SMC4: variants seen among roughly 807,000 people sequenced by gnomAD.
SMC4 encodes the protein structural maintenance of chromosomes 4, also known as structural maintenance of chromosomes protein 4.
In SMC4, 87 loss-of-function variants were observed where a neutral mutation model predicts 145.6. The ratio of observed to expected loss-of-function variants is 0.60; its 90% CI spans 0.50 to 0.71. The LOEUF is 0.71. Among genes scored for constraint, SMC4 ranks in the 30% least tolerant of loss-of-function variants. The probability of loss-of-function intolerance (pLI) is 0.00; values close to 1 mark genes in which losing one functional copy is unlikely to be tolerated. For missense variants in SMC4, 1,447 were observed against 1,537.1 expected (o/e 0.94, Z 0.98); for synonymous variants, 558 against 500.7 (o/e 1.11, Z -1.53).
At chr3:160,431,550 T>C in intron 20 of SMC4, 93 bp from the exon 21 acceptor site, 1 of 988,968 alleles carries the variant, frequency 1.0e-6, no homozygotes, top group South Asian at 1.7e-5. Flanking sequence ...CCTGTTGTTT[T>C]CATAGCTGTG....
chr3:160,430,881 A>G, intron 19 of SMC4, 138 bp downstream of exon 19: 2 of 1,234,698 alleles, frequency 1.6e-6, no homozygotes, highest in Non-Finnish European at 2.2e-6. Context: ...TATTTGTACA[A>G]TAAGAATACT....
At position 160,401,975 on chromosome 3, in the gene SMC4, C is replaced by T; in HGVS notation, c.200C>T (p.Pro67Leu). The T allele has an allele frequency of 1.2e-6, 2 of 1,606,760 alleles. No individual in the cohort carries two copies. The highest frequency in any genetic ancestry group is 1.3e-5 in the African/African-American group (1 of 74,484). Residue 67 changes from proline (P) to leucine (L), a missense_variant, in exon 3 of 24, where the codon CCT becomes CTT. Pro to Leu is a moderately conservative substitution (Grantham distance 98). Coordinates refer to ENST00000357388, the MANE Select transcript of SMC4 (RefSeq NM_001002800.3). ...GAAGAGATTTTGAACAGCATTCCTCCTCCCCCGCCTCCAGCAATGACCAAT... is the reference window on the plus strand; with the variant it reads ...GAAGAGATTTTGAACAGCATTCCTCTTCCCCCGCCTCCAGCAATGACCAAT... Reference protein sequence around the residue: ...SLEEILNSIPPPPPPAMTNEA... With the variant: ...SLEEILNSIPLPPPPAMTNEA...
rs780852411 is a variant in SMC4 at position 160,432,522 on chromosome 3, A to T, written c.3530+7A>T. On this transcript the variant is annotated splice_region_variant and intron_variant, in intron 22 of 23. Coordinates refer to ENST00000357388, the MANE Select transcript of SMC4 (RefSeq NM_001002800.3). ...CTGAAGGAATCATGTTCAGGTGTGT[A>T]ATTATGCTGAGTTTATAATCCCACT... 1 of 1,524,284 alleles carries T rather than the reference A, an allele frequency of 6.6e-7. No individual in the cohort carries two copies. Among genetic ancestry groups the T allele is most frequent in the South Asian group, 1.2e-5 (1 of 82,682 alleles). The allele number at this position is 1,524,284 out of a possible 1,614,324, so 94.4% of individuals were successfully genotyped here.
intron 12 of SMC4, among the ~76,000 whole-genome samples, chr3:160,419,853 C>T (rs896506595): frequency 4.0e-5 from 6 of 151,742 alleles, no homozygotes; most frequent in Admixed American, 2.6e-4. Flanking sequence ...GCCTGTAGTC[C>T]CAGCTGTTGG....
Position 160,417,841 on chromosome 3 carries a change from A to G in SMC4, c.1556A>G (p.Gln519Arg). 3.1e-6 allele frequency: 5 copies of G among 1,613,726 alleles called. No homozygotes were observed. The highest frequency in any genetic ancestry group is 3.4e-6 in the Non-Finnish European group (4 of 1,179,780). The change falls in exon 11 of 24, where the codon CAA (glutamine) becomes CGA (arginine). Residue 519 changes from glutamine to arginine, a missense_variant. Physicochemically the swap from Gln to Arg is conservative, Grantham distance 43. Coordinates refer to ENST00000357388, the MANE Select transcript of SMC4 (RefSeq NM_001002800.3). Reference sequence around the variant, plus strand: ...AGTCGTCATAATACTGCAGTGTCTCAATTAACTAAGGCTAAGGAAGCTCTA... The same window carrying G: ...AGTCGTCATAATACTGCAGTGTCTCGATTAACTAAGGCTAAGGAAGCTCTA... The part of the protein sequence containing the change: ...YLSRHNTAVS[Q>R]LTKAKEALIA...
chr3:160,402,235 TCTCA>T (rs979493089), intron 3 of SMC4, 142 bp downstream of exon 3: 66 of 508,046 alleles, frequency 1.3e-4, no homozygotes, highest in African/African-American at 7.4e-4. Context: ...TGTCTCTCTC[TCTCA>T]CACACACACA....
At position 160,404,382 on chromosome 3, in the gene SMC4, G is replaced by C; in HGVS notation, c.565G>C (p.Ala189Pro). ...CAGTAATTTCTATGTATCCAGAACG[G>C]CCTGCAGAGATAATACTTCTGTCTA... ...PNSNFYVSRTACRDNTSVYHI... is the reference protein window; with the variant it reads ...PNSNFYVSRTPCRDNTSVYHI... Residue 189 changes from alanine to proline, a missense_variant, in exon 5 of 24, where the codon GCC becomes CCC. Physicochemically the swap from Ala to Pro is conservative, Grantham distance 27. Transcript: ENST00000357388. The C allele has an allele frequency of 6.2e-7, 1 of 1,610,672 alleles. No individual in the cohort carries two copies. Among genetic ancestry groups the C allele is most frequent in the Non-Finnish European group, 8.5e-7 (1 of 1,178,912 alleles).
At chr3:160,433,004 A>C in intron 22 of SMC4, 22 bp from the exon 23 acceptor site, 1 of 1,565,240 alleles carries the variant, frequency 6.4e-7, no homozygotes, top group Non-Finnish European at 8.8e-7. Context: ...TAATTTGACT[A>C]TGATTTTCTT....
chr3:160,423,669 C>T lies in SMC4; in HGVS notation c.2245+19C>T, dbSNP rs555169037. On this transcript the variant is annotated intron_variant, in intron 14 of 23. Coordinates refer to ENST00000357388, the MANE Select transcript of SMC4 (RefSeq NM_001002800.3). ...CAGTCAGGTAATAGTGTTTTTGTTTCTTGGTTTGTTTTTTTTTCCCCCCAC... is the reference window on the plus strand; with the variant it reads ...CAGTCAGGTAATAGTGTTTTTGTTTTTTGGTTTGTTTTTTTTTCCCCCCAC... The T allele has an allele frequency of 1.6e-4, 258 of 1,598,250 alleles. No homozygotes were observed. The African/African-American group carries it at 3.1e-3, about 19-fold the overall frequency.
chr3:160,422,847 T>C (rs1717328649), intron 13 of SMC4, among the ~76,000 whole-genome samples: 1 of 152,168 alleles, frequency 6.6e-6, no homozygotes, highest in African/African-American at 2.4e-5. Flanking sequence ...AAAGTAGGGC[T>C]CAAACTACTC....
rs769429182 is a variant in SMC4 at position 160,428,954 on chromosome 3, A to G, written c.2795+12A>G. 25 of 1,556,908 alleles carry G rather than the reference A, an allele frequency of 1.6e-5. No individual in the cohort carries two copies. The South Asian group carries it at 2.6e-4, about 16-fold the overall frequency. On this transcript the variant is annotated intron_variant, in intron 18 of 23. Coordinates refer to ENST00000357388, the MANE Select transcript of SMC4 (RefSeq NM_001002800.3). ...AAGACTGCTGACAGGTAGAGTATGC[A>G]TGTTACCCTAACTTGTTTTCCCTTT...
chr3:160,407,974 T>C (rs192272209), intron 5 of SMC4, among the ~76,000 whole-genome samples: 5 of 152,138 alleles, frequency 3.3e-5, no homozygotes, highest in Non-Finnish European at 7.4e-5. Flanking sequence ...AAGATCAAAT[T>C]AGAGTAAAAT....
Position 160,431,680 on chromosome 3 carries a change from C to A in SMC4, c.3152C>A (p.Pro1051His). ...KISLHPIEDNPIEEISVLSPE... is the reference protein window; with the variant it reads ...KISLHPIEDNHIEEISVLSPE... Reference sequence around the variant, plus strand: ...TCACTGCATCCTATAGAAGATAATCCTATTGAAGAGATTTCGGTTCTAAGC... The same window carrying A: ...TCACTGCATCCTATAGAAGATAATCATATTGAAGAGATTTCGGTTCTAAGC... The change falls in exon 21 of 24, where the codon CCT becomes CAT. Residue 1051 changes from proline to histidine, a missense_variant. Pro to His is a moderately conservative substitution (Grantham distance 77). Coordinates refer to ENST00000357388, the MANE Select transcript of SMC4 (RefSeq NM_001002800.3). The A allele has an allele frequency of 6.2e-7, 1 of 1,608,520 alleles. No homozygotes were observed. The highest frequency in any genetic ancestry group is 1.3e-5 in the African/African-American group (1 of 74,354).
intron 5 of SMC4, among the ~76,000 whole-genome samples, chr3:160,405,783 C>A (rs905229210): frequency 6.6e-6 from 1 of 151,920 alleles, no homozygotes. Context: ...TTTTTAAAAT[C>A]AAATTGAACT....
At chr3:160,405,993 A>T (rs1715288577) in intron 5 of SMC4, among the ~76,000 whole-genome samples, 1 of 151,998 alleles carries the variant, frequency 6.6e-6, no homozygotes, top group Non-Finnish European at 1.5e-5. Context: ...AATACACTGC[A>T]TTTTAACCCT....
chr3:160,404,666 A>G (rs779467922), intron 5 of SMC4, 162 bp downstream of exon 5: 4 of 785,808 alleles, frequency 5.1e-6, no homozygotes, highest in African/African-American at 1.7e-5. Context: ...TTGCTGCTCT[A>G]GAAATTTAAG....
At chr3:160,419,247 T>A in intron 11 of SMC4, 111 bp from the exon 12 acceptor site, 1 of 729,570 alleles carries the variant, frequency 1.4e-6, no homozygotes, top group South Asian at 2.8e-5. Context: ...AAATTTTTAT[T>A]GTTGGTCTTT....
At position 160,433,209 on chromosome 3, in the gene SMC4, T is replaced by C. The variant is rs999281722; in HGVS notation, c.3714T>C (p.Tyr1238=). 1 of 1,600,240 alleles carries C rather than the reference T, an allele frequency of 6.2e-7. No individual in the cohort carries two copies. The highest frequency in any genetic ancestry group is 8.5e-7 in the Non-Finnish European group (1 of 1,171,172). ...KNVSIVAFYI[Y]EQTKNAQFII... is the part of the protein sequence containing the mutation. ...TGTCCATTGTTGCATTTTATATATA[T>C]GTAAGTAATCATTTTGGGATTTTCA... Residue 1238 remains tyrosine (Y), a splice_region_variant and synonymous_variant, in exon 23 of 24, where the codon TAT becomes TAC. Coordinates refer to ENST00000357388, the MANE Select transcript of SMC4 (RefSeq NM_001002800.3).
intron 8 of SMC4, chr3:160,414,104 T>C (rs1195192822): frequency 4.4e-6 from 2 of 456,958 alleles, no homozygotes; most frequent in Non-Finnish European, 8.2e-6. Context: ...ATGGTAAAAT[T>C]TTTATATACC....
Sources: gnomAD v4.1 joint callset for allele counts (sites outside exome capture counted in the v4.1 genomes callset) on GRCh38, gnomAD v4.1.1 for gene constraint, MANE v1.5 for transcripts, NCBI Gene and HGNC (gene_info 2026-07-23, HGNC 2026-07-21) for gene names.